OR2AJ1: variants seen among roughly 807,000 people sequenced by gnomAD.
The protein encoded by OR2AJ1 is olfactory receptor family 2 subfamily AJ member 1.
For synonymous variants in OR2AJ1, 105 were observed against 60.3 expected (o/e 1.74, Z -3.44); for missense variants, 280 against 163.2 (o/e 1.72, Z -3.90).
intron 1 of OR2AJ1, among the ~76,000 whole-genome samples, chr1:247,927,487 A>G (rs2103004657): frequency 2.9e-5 from 1 of 34,976 alleles, no homozygotes. Context: ...ATCACCTTAA[A>G]CATTTAGGGG....
intron 1 of OR2AJ1, among the ~76,000 whole-genome samples, chr1:247,933,234 A>G (rs897037038): frequency 6.6e-6 from 1 of 152,204 alleles, no homozygotes; most frequent in Non-Finnish European, 1.5e-5. Context: ...TATACCAGTG[A>G]TCAGAACAAG....
At chr1:247,933,332 A>T (rs934304090) in intron 1 of OR2AJ1, among the ~76,000 whole-genome samples, 3 of 152,218 alleles carry the variant, frequency 2.0e-5, no homozygotes, top group African/African-American at 7.2e-5. Context: ...ATGTACTAGA[A>T]GGTGAAAAGT....
intron 1 of OR2AJ1, among the ~76,000 whole-genome samples, chr1:247,931,117 A>G (rs1168607623): frequency 8.5e-5 from 13 of 152,222 alleles, no homozygotes; most frequent in Admixed American, 8.5e-4. Flanking sequence ...GAAAAACTTA[A>G]GACAAAATCC....
At position 247,934,371 on chromosome 1, in the gene OR2AJ1, A is replaced by G; in HGVS notation, c.603A>G (p.Val201=). 2 of 721,204 alleles carry G rather than the reference A, an allele frequency of 2.8e-6. No homozygotes were observed. The highest frequency in any genetic ancestry group is 5.2e-6 in the Non-Finnish European group (2 of 387,172). The allele number at this position is 721,204 out of a possible 1,614,324, so 44.7% of individuals were successfully genotyped here. ...CACGCTATGAACGAGGGGTTTGTGT[A>G]AGTGCTGTGATCTTCCTGCTGATCC... ...DTTRYERGVC[V]SAVIFLLIPF... is the part of the protein sequence containing the mutation. The change falls in exon 2 of 2, where the codon GTA becomes GTG. Residue 201 remains valine (V), a synonymous_variant. Transcript: ENST00000318244.
chr1:247,927,375 A>G (rs1249637398), intron 1 of OR2AJ1, among the ~76,000 whole-genome samples: 1 of 152,188 alleles, frequency 6.6e-6, no homozygotes, highest in Non-Finnish European at 1.5e-5. Context: ...AAGGATTTAA[A>G]AAGTTAATTG....
intron 1 of OR2AJ1, among the ~76,000 whole-genome samples, chr1:247,928,827 C>G (rs962991388): frequency 1.2e-4 from 19 of 152,178 alleles, no homozygotes; most frequent in South Asian, 2.1e-4. Flanking sequence ...GGGCGCGGTG[C>G]CTCACGCCTG....
Position 247,934,582 on chromosome 1 carries a change from A to G in OR2AJ1, c.814A>G (p.Lys272Glu), listed in dbSNP as rs762261157. The part of the protein sequence containing the change: ...PKSYHTPGQD[K>E]FLAIFYTILT... ...ATCATACCACACTCCAGGCCAGGAT[A>G]AGTTCCTGGCAATATTCTATACGAT... Residue 272 changes from lysine (K) to glutamate (E), a missense_variant, in exon 2 of 2, where the codon AAG (lysine) becomes GAG (glutamate). Physicochemically the swap from Lys to Glu is moderately conservative, Grantham distance 56 (BLOSUM62 1). Coordinates refer to ENST00000318244, the MANE Select transcript of OR2AJ1 (RefSeq NM_001355235.2). 2.4e-4 allele frequency: 171 copies of G among 717,906 alleles called. No individual in the cohort carries two copies. The African/African-American group carries it at 2.6e-3, about 11-fold the overall frequency. 44.5% of individuals were successfully genotyped at this position (717,906 alleles called of 1,614,324 possible).
At chr1:247,932,835 C>T (rs1036569297) in intron 1 of OR2AJ1, among the ~76,000 whole-genome samples, 1 of 151,942 alleles carries the variant, frequency 6.6e-6, no homozygotes, top group Non-Finnish European at 1.5e-5. Context: ...TTTAAGTAAC[C>T]ACTATCAAAA....
chr1:247,927,497 G>GTGTGTGTGTGTGTGTGTGT (rs1553341346), intron 1 of OR2AJ1, among the ~76,000 whole-genome samples: 6,774 of 148,316 alleles, frequency 0.046, 204 homozygotes, highest in Non-Finnish European at 0.052. Context: ...ACATTTAGGG[G>GTGTGTGTGTGTGTGTGTGT]GTGTGTGTGT....
chr1:247,932,122 T>C (rs1660160516), intron 1 of OR2AJ1, among the ~76,000 whole-genome samples: 1 of 152,198 alleles, frequency 6.6e-6, no homozygotes, highest in African/African-American at 2.4e-5. Context: ...GTGGATCATT[T>C]GAAGTCAAGA....
At chr1:247,930,069 T>A (rs1054341017) in intron 1 of OR2AJ1, among the ~76,000 whole-genome samples, 8 of 152,198 alleles carry the variant, frequency 5.3e-5, no homozygotes, top group Non-Finnish European at 1.2e-4. Context: ...CAGTGACCAC[T>A]TTTTAAAAAT....
chr1:247,930,485 A>G (rs1356192729), intron 1 of OR2AJ1, among the ~76,000 whole-genome samples: 1 of 152,174 alleles, frequency 6.6e-6, no homozygotes, highest in Non-Finnish European at 1.5e-5. Flanking sequence ...AGACTGGGGT[A>G]TGATGGTGTC....
At chr1:247,925,870 G>A (rs569428019) in intron 1 of OR2AJ1, among the ~76,000 whole-genome samples, 7 of 152,286 alleles carry the variant, frequency 4.6e-5, no homozygotes, top group East Asian at 1.9e-4. Context: ...GGTAGCAAAC[G>A]ATTATCACAG....
At chr1:247,933,107 A>G (rs576622118) in intron 1 of OR2AJ1, among the ~76,000 whole-genome samples, 4 of 152,268 alleles carry the variant, frequency 2.6e-5, no homozygotes, top group South Asian at 4.1e-4. Context: ...TATAAGTTTA[A>G]TCTAAATAAT....
intron 1 of OR2AJ1, among the ~76,000 whole-genome samples, chr1:247,926,287 C>G (rs1488119341): frequency 6.6e-6 from 1 of 151,980 alleles, no homozygotes; most frequent in Non-Finnish European, 1.5e-5. Flanking sequence ...ATAAATGTAA[C>G]AAGTAAGATA....
At position 247,934,082 on chromosome 1, in the gene OR2AJ1, T is replaced by C; in HGVS notation, c.314T>C (p.Leu105Pro). The change falls in exon 2 of 2, where the codon CTC becomes CCC. Residue 105 changes from leucine (L) to proline (P), a missense_variant. Transcript: ENST00000318244. ...AGCGFQVFLS[L>P]TLLGGECLLL... is the part of the protein sequence containing the mutation. ...TGTGGGTTCCAGGTATTTCTGTCCC[T>C]CACCCTCCTGGGTGGTGAGTGCCTT... 1.4e-6 allele frequency: 1 copy of C among 717,988 alleles called. No homozygotes were observed. The highest frequency in any genetic ancestry group is 2.6e-6 in the Non-Finnish European group (1 of 385,246). 44.5% of individuals were successfully genotyped at this position (717,988 alleles called of 1,614,324 possible).
chr1:247,925,453 T>C (rs1268236277), intron 1 of OR2AJ1, among the ~76,000 whole-genome samples: 5 of 152,026 alleles, frequency 3.3e-5, no homozygotes, highest in Non-Finnish European at 7.4e-5. Context: ...ATGGAAGAAA[T>C]TGAAGCCCTT....
intron 1 of OR2AJ1, among the ~76,000 whole-genome samples, chr1:247,930,511 A>G (rs1324720953): frequency 6.6e-6 from 1 of 152,144 alleles, no homozygotes; most frequent in East Asian, 1.9e-4. Flanking sequence ...CTAGAATGTA[A>G]TTTCCAAGCA....
At position 247,933,773 on chromosome 1, in the gene OR2AJ1, GC is replaced by G. The variant is rs1660179243; in HGVS notation, c.7del (p.His3IlefsTer27). On this transcript the variant is annotated frameshift_variant, in exon 2 of 2. Transcript: ENST00000318244. LOFTEE classifies it low-confidence loss of function (END_TRUNC). Reference protein sequence around the residue: MGHQNHTFSSDF... With the variant: MXHQNHTFSSDF... ...TTAAAAAATAGAGAATTCATGATGG[GC>G]CATCAGAATCACACTTTCAGCAGTG... 1 of 583,644 alleles carries G rather than the reference GC, an allele frequency of 1.7e-6. No individual in the cohort carries two copies. Among genetic ancestry groups the G allele is most frequent in the South Asian group, 2.4e-5 (1 of 42,156 alleles). The allele number at this position is 583,644 out of a possible 1,614,324, so 36.2% of individuals were successfully genotyped here.
Sources: allele counts gnomAD v4.1 joint callset (sites outside exome capture counted in the v4.1 genomes callset), GRCh38; gene constraint gnomAD v4.1.1; transcripts MANE v1.5; gene names NCBI Gene and HGNC (gene_info 2026-07-23, HGNC 2026-07-21).